BTAF1: variants seen among roughly 807,000 people sequenced by gnomAD.
BTAF1 encodes the protein TATA-binding protein-associated factor 172.
BTAF1 carries 38 observed loss-of-function variants against 227.1 expected under a neutral mutation model. The ratio of observed to expected loss-of-function variants is 0.17; its 90% CI spans 0.13 to 0.22. The LOEUF (loss-of-function observed/expected upper bound fraction) is 0.22. Among genes scored for constraint, BTAF1 ranks in the 10% least tolerant of loss-of-function variants. BTAF1 has a pLI of 1.00. For missense variants in BTAF1, 1,598 were observed against 2,204.0 expected (o/e 0.73, Z 5.51); for synonymous variants, 742 against 751.9 (o/e 0.99, Z 0.21).
intron 33 of BTAF1, among the ~76,000 whole-genome samples, chr10:92,017,023 A>C (rs1850789019): frequency 6.6e-6 from 1 of 152,202 alleles, no homozygotes; most frequent in African/African-American, 2.4e-5. Flanking sequence ...TTTTTTATTC[A>C]AAAAATATTA....
At chr10:92,012,764 C>CT (rs1332214918) in intron 30 of BTAF1, among the ~76,000 whole-genome samples, 24 of 67,166 alleles carry the variant, frequency 3.6e-4, no homozygotes, top group African/African-American at 1.2e-3. Context: ...GAGTGAGACT[C>CT]TGTCTCAAAA....
At chr10:92,012,577 C>A (rs1380765583) in intron 30 of BTAF1, among the ~76,000 whole-genome samples, 1 of 150,640 alleles carries the variant, frequency 6.6e-6, no homozygotes, top group Admixed American at 6.6e-5. Context: ...TTGAGACCAG[C>A]CTGGCCAGTG....
At chr10:91,971,209 C>A (rs1044580747) in intron 14 of BTAF1, among the ~76,000 whole-genome samples, 33 of 152,006 alleles carry the variant, frequency 2.2e-4, no homozygotes, top group Admixed American at 6.6e-5. Flanking sequence ...CATGAAATTT[C>A]ACTTGTGTTT....
intron 25 of BTAF1, among the ~76,000 whole-genome samples, chr10:92,003,425 C>T (rs1308103592): frequency 6.6e-6 from 1 of 152,182 alleles, no homozygotes; most frequent in African/African-American, 2.4e-5. Flanking sequence ...ACGCACTAAG[C>T]ACCTAGTAAC....
intron 4 of BTAF1, among the ~76,000 whole-genome samples, chr10:91,950,763 CA>C (rs1845717646): frequency 6.6e-6 from 1 of 151,536 alleles, no homozygotes; most frequent in African/African-American, 2.4e-5. Context: ...TTTTTTAGCC[CA>C]GTGAGAGCTT....
At chr10:92,015,640 T>G (rs1356969520) in intron 32 of BTAF1, among the ~76,000 whole-genome samples, 1 of 152,232 alleles carries the variant, frequency 6.6e-6, no homozygotes, top group Non-Finnish European at 1.5e-5. Context: ...TGTGGTGATT[T>G]ACTGGTTGTG....
Position 92,022,086 on chromosome 10 carries a change from C to T in BTAF1, c.4864-2670C>T, listed in dbSNP as rs536312741. On this transcript the variant is annotated intron_variant, in intron 34 of 37. Transcript: ENST00000265990. ...AATCAACTTTTCAAGGCCCTGAACTCGATCAGTCTCTCAGAGCAGACTTGG... is the reference window on the plus strand; with the variant it reads ...AATCAACTTTTCAAGGCCCTGAACTTGATCAGTCTCTCAGAGCAGACTTGG... 2.0e-5 allele frequency among the ~76,000 whole-genome samples: 3 copies of T among 152,208 alleles called. No individual in the cohort carries two copies. In the South Asian group the frequency reaches 6.2e-4, roughly 32 times the overall value.
At chr10:91,994,218 T>A (rs868299825) in intron 22 of BTAF1, among the ~76,000 whole-genome samples, 15 of 151,930 alleles carry the variant, frequency 9.9e-5, no homozygotes, top group Middle Eastern at 3.2e-3. Context: ...GAGGATTGCT[T>A]GAACCCTGGG....
intron 32 of BTAF1, 33 bp downstream of exon 32, chr10:92,014,062 T>C (rs1458466902): frequency 1.3e-6 from 2 of 1,591,816 alleles, no homozygotes; most frequent in South Asian, 2.3e-5. Flanking sequence ...TTGTTAGTGG[T>C]ATGTTTATTA....
chr10:91,983,616 A>G (rs1489387594), intron 18 of BTAF1, among the ~76,000 whole-genome samples: 2 of 152,202 alleles, frequency 1.3e-5, no homozygotes, highest in African/African-American at 2.4e-5. Context: ...GGACACTCAC[A>G]GAGCTTCATG....
In BTAF1 at chr10:91,994,525, A is replaced by G. The variant is rs773274063; in HGVS notation, c.3200-10A>G. 1.9e-6 allele frequency: 3 copies of G among 1,589,896 alleles called. No homozygotes were observed. The highest frequency in any genetic ancestry group is 2.2e-5 in the East Asian group (1 of 44,726). On this transcript the variant is annotated splice_polypyrimidine_tract_variant and intron_variant, in intron 22 of 37. Coordinates refer to ENST00000265990, the MANE Select transcript of BTAF1 (RefSeq NM_003972.3). ...ATTTGCCAGATAATACAGACAATAT[A>G]TTTTAACAGATGGAAAATCCCTCCT...
At position 91,959,801 on chromosome 10, in the gene BTAF1, A is replaced by G; in HGVS notation, c.1007A>G (p.Gln336Arg). ...STLEEMIQQH[Q>R]EWLEDLVIRL... ...TTTTAACAGATGATTCAGCAGCATC[A>G]AGAGTGGTTGGAAGACTTGGTTATT... Residue 336 changes from glutamine (Q) to arginine (R), a missense_variant, in exon 10 of 38, where the codon CAA becomes CGA. Gln to Arg is a conservative substitution (Grantham distance 43). Around this residue, in one of 10 missense-constraint regions of BTAF1, gnomAD observed 298 missense variants for 395.2 expected, o/e 0.75. Transcript: ENST00000265990. 1 of 1,580,626 alleles carries G rather than the reference A, an allele frequency of 6.3e-7. No individual in the cohort carries two copies. Among genetic ancestry groups the G allele is most frequent in the African/African-American group, 1.4e-5 (1 of 73,402 alleles).
At chr10:92,020,157 A>G (rs1262613247) in intron 34 of BTAF1, among the ~76,000 whole-genome samples, 1 of 151,960 alleles carries the variant, frequency 6.6e-6, no homozygotes, top group Non-Finnish European at 1.5e-5. Context: ...TCAGGTGTTA[A>G]TCTTATTGAA....
intron 19 of BTAF1, among the ~76,000 whole-genome samples, chr10:91,988,137 G>A (rs1324178983): frequency 1.3e-5 from 2 of 152,152 alleles, no homozygotes; most frequent in Non-Finnish European, 2.9e-5. Flanking sequence ...GGAGTGCTCT[G>A]TATTCCCACA....
intron 30 of BTAF1, among the ~76,000 whole-genome samples, chr10:92,012,306 G>C (rs1223086252): frequency 1.8e-5 from 1 of 56,956 alleles, no homozygotes; most frequent in Non-Finnish European, 3.2e-5. Context: ...GAGTACAGTG[G>C]TGTGATTTCA....
intron 28 of BTAF1, 126 bp downstream of exon 28, chr10:92,009,334 T>G (rs368182247): frequency 1.0e-6 from 1 of 996,810 alleles, no homozygotes; most frequent in Non-Finnish European, 1.4e-6. Context: ...ACTTCACTTA[T>G]GAAAAGTGAA....
intron 35 of BTAF1, among the ~76,000 whole-genome samples, chr10:92,025,531 GC>G (rs1180419666): frequency 3.3e-5 from 5 of 151,890 alleles, no homozygotes; most frequent in Non-Finnish European, 7.4e-5. Context: ...TCCCAGCTGA[GC>G]GCGGTGACTC....
At chr10:91,973,479 T>A (rs1353909695) in intron 14 of BTAF1, among the ~76,000 whole-genome samples, 1 of 152,226 alleles carries the variant, frequency 6.6e-6, no homozygotes, top group African/African-American at 2.4e-5. Flanking sequence ...ATAGGAATGA[T>A]ATTTAATTGT....
intron 1 of BTAF1, among the ~76,000 whole-genome samples, chr10:91,926,267 C>G (rs1843821980): frequency 6.6e-6 from 1 of 152,150 alleles, no homozygotes; most frequent in Admixed American, 6.5e-5. Context: ...AAAATCAAAT[C>G]TAAAATATTT....
Sources: gnomAD v4.1 joint callset for allele counts (sites outside exome capture counted in the v4.1 genomes callset) on GRCh38, gnomAD v4.1.1 for gene constraint, gnomAD v4.1.1 regional missense constraint, MANE v1.5 for transcripts, NCBI Gene and HGNC (gene_info 2026-07-23, HGNC 2026-07-21) for gene names.